The following CYP7B1 variants were observed in gnomAD, a reference collection of about 807,000 sequenced individuals.
The protein encoded by CYP7B1 is cytochrome P450 7B1.
In CYP7B1, 29 loss-of-function variants were observed where a neutral mutation model predicts 42.7. That is an observed-to-expected ratio of 0.68 (90% confidence interval 0.51 to 0.93). CYP7B1 has a LOEUF of 0.93. Ranked by LOEUF, CYP7B1 falls within the 40% of genes least tolerant of loss-of-function variation. The pLI is 0.00. For synonymous variants in CYP7B1, 235 were observed against 218.2 expected, an observed-to-expected ratio of 1.08 and a Z score of -0.68; for missense variants, 655 against 600.5, an observed-to-expected ratio of 1.09 and a Z score of -0.95.
intron 1 of CYP7B1, among the ~76,000 whole-genome samples, chr8:64,752,393 T>TGC (rs1807741532): frequency 1.5e-5 from 2 of 133,266 alleles, no homozygotes; most frequent in African/African-American, 3.5e-5. Flanking sequence ...TATGTGCATG[T>TGC]GCGTGTGTGT....
chr8:64,587,794 AG>A (rs1804988669), downstream of CYP7B1: 1 of 152,344 alleles, frequency 6.6e-6, no homozygotes, highest in African/African-American at 2.4e-5. Flanking sequence ...TACAGATTTG[AG>A]AGCTCTGAAA....
chr8:64,707,921 G>A (rs1302390156), intron 1 of CYP7B1, among the ~76,000 whole-genome samples: 2 of 152,098 alleles, frequency 1.3e-5, no homozygotes, highest in Admixed American at 1.3e-4. Context: ...GTACTGGGGA[G>A]GGAGGAAGAT....
intron 1 of CYP7B1, among the ~76,000 whole-genome samples, chr8:64,653,997 AATAG>A (rs1352725652): frequency 1.3e-5 from 2 of 152,182 alleles, no homozygotes; most frequent in Non-Finnish European, 2.9e-5. Flanking sequence ...AAACTCAATA[AATAG>A]ATATTGTAGA....
At chr8:64,616,827 C>T (rs1049640981) in intron 2 of CYP7B1, among the ~76,000 whole-genome samples, 8 of 152,162 alleles carry the variant, frequency 5.3e-5, no homozygotes, top group African/African-American at 1.9e-4. Context: ...CCACTAATGC[C>T]AGCATTTTCA....
At chr8:64,664,511 A>T (rs1806246675) in intron 1 of CYP7B1, among the ~76,000 whole-genome samples, 1 of 152,178 alleles carries the variant, frequency 6.6e-6, no homozygotes, top group Non-Finnish European at 1.5e-5. Flanking sequence ...TAGGAGAGGT[A>T]AGACACTTGT....
rs1051541516 is a variant in CYP7B1, at chr8:64,594,291, T to C, written c.*2351A>G. 3.3e-5 allele frequency among the ~76,000 whole-genome samples: 5 copies of C among 152,142 alleles called. No homozygotes were observed. The highest frequency in any genetic ancestry group is 1.2e-4 in the African/African-American group (5 of 41,434). On this transcript the variant is annotated 3_prime_UTR_variant, in exon 6 of 6. Transcript: ENST00000310193. ...GGGTAACTAGATCATTAAAACATAA[T>C]GTGTGCACATTATGGATTGCTGTGC...
chr8:64,734,603 A>G (rs1373737897), intron 1 of CYP7B1: 1 of 152,188 alleles, frequency 6.6e-6, no homozygotes, highest in Non-Finnish European at 1.5e-5. Flanking sequence ...ATAAGTTTCA[A>G]CATGAATTTT....
At chr8:64,749,685 T>A (rs539587304) in intron 1 of CYP7B1, among the ~76,000 whole-genome samples, 2 of 152,228 alleles carry the variant, frequency 1.3e-5, no homozygotes, top group Non-Finnish European at 2.9e-5. Context: ...ATAGTTCTTA[T>A]AATGGCACTT....
At chr8:64,737,163 T>C (rs974594420) in intron 1 of CYP7B1, among the ~76,000 whole-genome samples, 19 of 152,134 alleles carry the variant, frequency 1.2e-4, no homozygotes, top group Non-Finnish European at 2.5e-4. Flanking sequence ...AGTGCAATGA[T>C]ATGATCATAG....
intron 1 of CYP7B1, among the ~76,000 whole-genome samples, chr8:64,691,732 C>G (rs1281905626): frequency 6.6e-6 from 1 of 152,214 alleles, no homozygotes; most frequent in Admixed American, 6.5e-5. Flanking sequence ...AGCACTGAGG[C>G]TGGACAGGCC....
chr8:64,684,074 A>G (rs1806583196), intron 1 of CYP7B1, among the ~76,000 whole-genome samples: 1 of 152,206 alleles, frequency 6.6e-6, no homozygotes, highest in African/African-American at 2.4e-5. Flanking sequence ...CTTACAGGGT[A>G]TGATCTGTCT....
chr8:64,660,846 G>A (rs1230903124), intron 1 of CYP7B1, among the ~76,000 whole-genome samples: 1 of 152,156 alleles, frequency 6.6e-6, no homozygotes, highest in East Asian at 1.9e-4. Flanking sequence ...CTAACCAGAA[G>A]GACTCAGGAA....
intron 2 of CYP7B1, 24 bp downstream of exon 2, chr8:64,624,379 G>A (rs1408676053): frequency 6.2e-7 from 1 of 1,608,784 alleles, no homozygotes; most frequent in South Asian, 1.1e-5. Context: ...ACATATATAA[G>A]GTATTAATAG....
At chr8:64,588,948 G>A (rs62519841), downstream of CYP7B1, among the ~76,000 whole-genome samples, 11,130 of 152,232 alleles carry the variant, frequency 0.073, 479 homozygotes, top group Non-Finnish European at 0.1. Flanking sequence ...TAATACCTGC[G>A]TCTAAATAAC....
intron 2 of CYP7B1, among the ~76,000 whole-genome samples, chr8:64,621,852 C>G (rs1001338772): frequency 5.9e-5 from 9 of 151,568 alleles, no homozygotes; most frequent in Non-Finnish European, 1.0e-4. Flanking sequence ...TCTCTGGCCT[C>G]AGCCTCCCAA....
chr8:64,735,172 A>C (rs531844077), intron 1 of CYP7B1, among the ~76,000 whole-genome samples: 70 of 152,268 alleles, frequency 4.6e-4, no homozygotes, highest in Non-Finnish European at 9.3e-4. Context: ...CAATATCTAT[A>C]TATTTATTTA....
chr8:64,754,631 A>G (rs1178890776), intron 1 of CYP7B1, among the ~76,000 whole-genome samples: 1 of 152,100 alleles, frequency 6.6e-6, no homozygotes, highest in Non-Finnish European at 1.5e-5. Flanking sequence ...CAAGCCCTTG[A>G]GCAAGGCTAG....
intron 1 of CYP7B1, among the ~76,000 whole-genome samples, chr8:64,732,015 C>T (rs1807418980): frequency 6.6e-6 from 1 of 152,200 alleles, no homozygotes; most frequent in African/African-American, 2.4e-5. Context: ...GGGGCAGAGC[C>T]CTCATGGAGA....
chr8:64,758,975 C>T (rs985118090), intron 1 of CYP7B1, among the ~76,000 whole-genome samples: 1 of 152,218 alleles, frequency 6.6e-6, no homozygotes, highest in Non-Finnish European at 1.5e-5. Context: ...CCACCATCTA[C>T]AGCATGACAA....
Sources: gnomAD v4.1 joint callset for allele counts (sites outside exome capture counted in the v4.1 genomes callset) on GRCh38, gnomAD v4.1.1 for gene constraint, MANE v1.5 for transcripts, NCBI Gene and HGNC (gene_info 2026-07-23, HGNC 2026-07-21) for gene names.